The following CPEB2 variants were observed in gnomAD, a reference collection of about 807,000 sequenced individuals.
CPEB2 encodes the protein cytoplasmic polyadenylation element binding protein 2, also known as cytoplasmic polyadenylation element-binding protein 2.
In CPEB2, 56 loss-of-function variants were observed where a neutral mutation model predicts 93.6. That is an observed-to-expected ratio of 0.60 (90% CI 0.48 to 0.75). The LOEUF is 0.75. Among genes scored for constraint, CPEB2 ranks in the 30% least tolerant of loss-of-function variants. The pLI is 0.00. For synonymous variants in CPEB2, 764 were observed against 586.3 expected, an observed-to-expected ratio of 1.30 and a Z score of -4.38; for missense variants, 1,579 against 1,395.1, an observed-to-expected ratio of 1.13 and a Z score of -2.10.
At position 15,003,918 on chromosome 4, in the gene CPEB2, G is replaced by C; in HGVS notation, c.1245G>C (p.Pro415=). 2 of 1,030,520 alleles carry C rather than the reference G, an allele frequency of 1.9e-6. No individual in the cohort carries two copies. The highest frequency in any genetic ancestry group is 2.5e-6 in the Non-Finnish European group (2 of 796,686). 63.8% of individuals were successfully genotyped at this position (1,030,520 alleles called of 1,614,324 possible). The change falls in exon 1 of 12, where the codon CCG becomes CCC. Residue 415 remains proline (P), a synonymous_variant. Coordinates refer to ENST00000538197, the MANE Select transcript of CPEB2 (RefSeq NM_001177382.2). The part of the protein sequence containing the change: ...QPPPPQQPPQ[P]QPQPPGSSAT... ...CGCCACCCCAGCAGCCGCCCCAGCC[G>C]CAGCCGCAGCCGCCCGGCTCGTCTG...
chr4:15,065,680 C>A (rs550717962), intron 11 of CPEB2, among the ~76,000 whole-genome samples: 2 of 151,978 alleles, frequency 1.3e-5, no homozygotes, highest in Admixed American at 6.6e-5. Flanking sequence ...CTAGGCATGC[C>A]CTTTGTAAGA....
chr4:15,012,325 C>T (rs1723600087), intron 3 of CPEB2, among the ~76,000 whole-genome samples: 1 of 150,596 alleles, frequency 6.6e-6, no homozygotes, highest in South Asian at 2.2e-4. Context: ...ACTAGAATAG[C>T]TTTGGCCTTT....
intron 4 of CPEB2, among the ~76,000 whole-genome samples, chr4:15,024,967 G>A (rs879572447): frequency 1.1e-4 from 16 of 151,690 alleles, no homozygotes; most frequent in African/African-American, 2.2e-4. Flanking sequence ...AGCTGGTCTC[G>A]AACTCCTGAC....
intron 3 of CPEB2, among the ~76,000 whole-genome samples, chr4:15,009,166 G>A (rs1053233843): frequency 1.3e-5 from 2 of 152,208 alleles, no homozygotes; most frequent in South Asian, 4.1e-4. Context: ...TTCTTACAGA[G>A]CTCAAGTTTG....
chr4:15,056,819 C>G (rs1728754223), intron 8 of CPEB2, among the ~76,000 whole-genome samples: 1 of 152,040 alleles, frequency 6.6e-6, no homozygotes, highest in South Asian at 2.1e-4. Context: ...TCGAAAGAAG[C>G]TATTATGTAG....
intron 3 of CPEB2, among the ~76,000 whole-genome samples, chr4:15,010,870 A>G (rs1723377834): frequency 1.3e-5 from 2 of 152,168 alleles, no homozygotes; most frequent in Admixed American, 1.3e-4. Context: ...TACCTGTGTC[A>G]AGAGCTGAAC....
Position 15,040,507 on chromosome 4 carries a change from T to A in CPEB2, c.2200+20T>A. The A allele has an allele frequency of 2.6e-6, 4 of 1,534,552 alleles. No individual in the cohort carries two copies. Among genetic ancestry groups the A allele is most frequent in the Non-Finnish European group, 3.5e-6 (4 of 1,145,444 alleles). On this transcript the variant is annotated intron_variant, in intron 6 of 11. Transcript: ENST00000538197. ...GACGAGGTAATTCATTTCTGTTTGC[T>A]ATGGTATAATTGTTTCTAATGGGGT...
intron 4 of CPEB2, among the ~76,000 whole-genome samples, chr4:15,024,619 T>C (rs1247013365): frequency 1.3e-5 from 2 of 152,150 alleles, no homozygotes; most frequent in Non-Finnish European, 2.9e-5. Flanking sequence ...AATGTGTATG[T>C]GCATACGTAC....
At chr4:15,033,335 A>G in intron 5 of CPEB2, 124 bp downstream of exon 5, 1 of 678,004 alleles carries the variant, frequency 1.5e-6, no homozygotes, top group Non-Finnish European at 2.5e-6. Context: ...ATAAAGTTAC[A>G]ACTATTCCTA....
chr4:15,058,323 T>G (rs1728894561), intron 8 of CPEB2, 98 bp from the exon 9 acceptor site: 1 of 693,248 alleles, frequency 1.4e-6, no homozygotes, highest in South Asian at 1.8e-5. Context: ...GATAGTTTGT[T>G]TTTTTTTTTC....
At chr4:15,011,348 G>A (rs550426808) in intron 3 of CPEB2, among the ~76,000 whole-genome samples, 11 of 152,106 alleles carry the variant, frequency 7.2e-5, no homozygotes, top group Admixed American at 2.0e-4. Flanking sequence ...TAATCCGCCC[G>A]CCTCGGCCTC....
chr4:15,055,340 T>C (rs1728612930), intron 8 of CPEB2, among the ~76,000 whole-genome samples: 1 of 152,196 alleles, frequency 6.6e-6, no homozygotes, highest in Non-Finnish European at 1.5e-5. Context: ...TGGAGTTCAT[T>C]GGAGGTCACA....
rs551271089 is a variant in CPEB2, at chr4:15,056,979, TTTAAA to T, written c.2462-1437_2462-1433del. Among the ~76,000 whole-genome samples the T allele has an allele frequency of 4.6e-5, 7 of 152,158 alleles. No individual in the cohort carries two copies. The East Asian group carries it at 5.8e-4, about 13-fold the overall frequency. On this transcript the variant is annotated intron_variant, in intron 8 of 11. Coordinates refer to ENST00000538197, the MANE Select transcript of CPEB2 (RefSeq NM_001177382.2). Reference sequence around the variant, plus strand: ...AAAGATATTGAATTTAGAGTATTACTTTAAATTAAGCAATATTAAAATATTAATAT... The same window carrying T: ...AAAGATATTGAATTTAGAGTATTACTTTAAGCAATATTAAAATATTAATAT...
intron 9 of CPEB2, 28 bp from the exon 10 acceptor site, chr4:15,059,159 G>A: frequency 1.5e-6 from 2 of 1,370,604 alleles, no homozygotes; most frequent in Non-Finnish European, 2.1e-6. Context: ...CATCAAGGGA[G>A]TAAGACCCAA....
chr4:15,027,344 T>G (rs1725597404), intron 4 of CPEB2, among the ~76,000 whole-genome samples: 1 of 152,214 alleles, frequency 6.6e-6, no homozygotes, highest in South Asian at 2.1e-4. Flanking sequence ...ATTGATGGCT[T>G]TTATTAGATG....
chr4:15,007,609 C>T (rs757980449), intron 2 of CPEB2, 23 bp downstream of exon 2: 19 of 1,423,286 alleles, frequency 1.3e-5, no homozygotes, highest in Non-Finnish European at 1.8e-5. Context: ...TGTAAATGAC[C>T]TTATCTCTAA....
intron 4 of CPEB2, among the ~76,000 whole-genome samples, chr4:15,026,911 G>A (rs1247370864): frequency 6.6e-6 from 1 of 151,998 alleles, no homozygotes; most frequent in Non-Finnish European, 1.5e-5. Flanking sequence ...TGCCAACCTA[G>A]GTTTGCTTTA....
At chr4:15,013,347 T>A (rs1002987827) in intron 3 of CPEB2, among the ~76,000 whole-genome samples, 2 of 152,172 alleles carry the variant, frequency 1.3e-5, no homozygotes, top group Admixed American at 1.3e-4. Flanking sequence ...GCATGCACAC[T>A]TTTCCTCATA....
At chr4:15,045,806 CTT>C (rs1383171577) in intron 6 of CPEB2, among the ~76,000 whole-genome samples, 1 of 151,946 alleles carries the variant, frequency 6.6e-6, no homozygotes, top group Non-Finnish European at 1.5e-5. Context: ...CATATCAGCT[CTT>C]CTTTTAAAAG....
Sources: gnomAD v4.1 joint callset for allele counts (sites outside exome capture counted in the v4.1 genomes callset) on GRCh38, gnomAD v4.1.1 for gene constraint, MANE v1.5 for transcripts, NCBI Gene and HGNC (gene_info 2026-07-23, HGNC 2026-07-21) for gene names.